The following PCBD2 variants were observed in gnomAD, a reference collection of about 807,000 sequenced individuals.
PCBD2 encodes the protein pterin-4-alpha-carbinolamine dehydratase 2.
PCBD2 carries 12 observed loss-of-function variants against 16.4 expected under a neutral mutation model. The observed-to-expected ratio is 0.73, with a 90% CI of 0.47 to 1.19. The LOEUF (loss-of-function observed/expected upper bound fraction) is 1.19, where lower values mean the gene tolerates loss of function less well. Among genes scored for constraint, PCBD2 ranks in the 50% most tolerant of loss-of-function variants. PCBD2 has a pLI of 0.00. For synonymous variants in PCBD2, 58 were observed against 61.8 expected, an observed-to-expected ratio of 0.94 and a Z score of 0.29; for missense variants, 138 against 156.8, an observed-to-expected ratio of 0.88 and a Z score of 0.64.
intron 3 of PCBD2, among the ~76,000 whole-genome samples, chr5:134,959,845 T>C (rs2149541874): frequency 6.6e-6 from 1 of 151,968 alleles, no homozygotes; most frequent in African/African-American, 2.4e-5. Context: ...GAAACAGCAT[T>C]CCATCCTTTA....
chr5:134,911,677 G>T (rs150858133), intron 2 of PCBD2, among the ~76,000 whole-genome samples: 12 of 152,234 alleles, frequency 7.9e-5, no homozygotes, highest in African/African-American at 2.6e-4. Flanking sequence ...AGAAACCTTC[G>T]GCATGTTTTC....
chr5:134,952,133 T>C (rs1751365321), intron 2 of PCBD2, among the ~76,000 whole-genome samples: 1 of 152,144 alleles, frequency 6.6e-6, no homozygotes, highest in Non-Finnish European at 1.5e-5. Flanking sequence ...AATTGGTTAT[T>C]GTTTGTATGA....
chr5:134,917,125 G>A (rs1447680796), intron 2 of PCBD2, among the ~76,000 whole-genome samples: 2 of 152,214 alleles, frequency 1.3e-5, no homozygotes, highest in African/African-American at 4.8e-5. Flanking sequence ...CATAAAGACA[G>A]ATTTTGTTAT....
chr5:134,954,628 CT>C (rs1305501740), intron 2 of PCBD2, among the ~76,000 whole-genome samples: 2 of 152,126 alleles, frequency 1.3e-5, no homozygotes, highest in Non-Finnish European at 2.9e-5. Flanking sequence ...TGAAAAGTAG[CT>C]TAGCTGGGTA....
chr5:134,912,453 C>T (rs1400747124), intron 2 of PCBD2, among the ~76,000 whole-genome samples: 2 of 152,138 alleles, frequency 1.3e-5, no homozygotes, highest in African/African-American at 2.4e-5. Flanking sequence ...GTGGGGTGAG[C>T]CCATATAGGA....
chr5:134,960,178 G>A (rs1211136956), intron 3 of PCBD2, among the ~76,000 whole-genome samples: 1 of 152,060 alleles, frequency 6.6e-6, no homozygotes, highest in African/African-American at 2.4e-5. Context: ...GCCAAAATGT[G>A]CTTTTTAAAC....
chr5:134,956,602 C>T (rs908616130), intron 2 of PCBD2, among the ~76,000 whole-genome samples: 1 of 152,206 alleles, frequency 6.6e-6, no homozygotes, highest in African/African-American at 2.4e-5. Context: ...TAATTTCTTG[C>T]CATTAAGCTG....
At chr5:134,925,336 A>G (rs572797828) in intron 2 of PCBD2, 42 of 398,456 alleles carry the variant, frequency 1.1e-4, no homozygotes, top group East Asian at 2.1e-4. Flanking sequence ...TAGGTTGCCA[A>G]TGGTGAGGGA....
At position 134,948,735 on chromosome 5, in the gene PCBD2, TA is replaced by T. The variant is rs1393806661; in HGVS notation, c.217-10301del. 9.6e-4 allele frequency among the ~76,000 whole-genome samples: 127 copies of T among 132,964 alleles called. 1 individual carries two copies. Among genetic ancestry groups the T allele is most frequent in the African/African-American group, 3.1e-3 (108 of 34,506 alleles). 87.2% of individuals were successfully genotyped at this position (132,964 alleles called of 152,430 possible). ...GACTTGAAGCTTTTTTTTTTTTTTTTAAAAGGCTCTAAAATGCTACAGTATG... is the reference window on the plus strand; with the variant it reads ...GACTTGAAGCTTTTTTTTTTTTTTTTAAAGGCTCTAAAATGCTACAGTATG... On this transcript the variant is annotated intron_variant, in intron 2 of 3. Transcript: ENST00000254908.
intron 2 of PCBD2, chr5:134,927,267 A>C: frequency 5.0e-6 from 2 of 398,406 alleles, no homozygotes; most frequent in East Asian, 3.6e-5. Flanking sequence ...GGGGTAGGCT[A>C]TATGTTTTGT....
At chr5:134,929,337 A>G (rs1367886683) in intron 2 of PCBD2, among the ~76,000 whole-genome samples, 1 of 144,150 alleles carries the variant, frequency 6.9e-6, no homozygotes, top group Non-Finnish European at 1.5e-5. Context: ...ATAGAGCGAG[A>G]CCTTGTCTCA....
chr5:134,921,164 G>A (rs984635917), intron 2 of PCBD2, among the ~76,000 whole-genome samples: 1 of 152,236 alleles, frequency 6.6e-6, no homozygotes, highest in Admixed American at 6.5e-5. Flanking sequence ...TGCTGGTCTG[G>A]ATCCAAGAGG....
intron 2 of PCBD2, among the ~76,000 whole-genome samples, chr5:134,952,782 G>A (rs1751373000): frequency 6.6e-6 from 1 of 151,716 alleles, no homozygotes; most frequent in South Asian, 2.1e-4. Flanking sequence ...TTCCAACCTG[G>A]GAGATAGAGC....
chr5:134,953,534 C>T (rs920721323), intron 2 of PCBD2, among the ~76,000 whole-genome samples: 1 of 152,066 alleles, frequency 6.6e-6, no homozygotes, highest in Non-Finnish European at 1.5e-5. Context: ...GTGGCTCACA[C>T]CTGTAATCGC....
rs1169052278 is a variant in PCBD2, at chr5:134,960,826, G to A, written c.*145G>A. The A allele has an allele frequency of 4.7e-6, 3 of 636,254 alleles. No individual in the cohort carries two copies. In the African/African-American group the frequency reaches 5.6e-5, roughly 12 times the overall value. The allele number at this position is 636,254 out of a possible 1,614,324, so 39.4% of individuals were successfully genotyped here. ...CTGTCGCCCAGGCCAGAGTGCAGTG[G>A]TATGATCTCGGCTCACTGTAACCTC... is the stretch of plus-strand genomic sequence containing the variant. On this transcript the variant is annotated 3_prime_UTR_variant, in exon 4 of 4. Transcript: ENST00000254908.
chr5:134,946,228 A>G (rs755370453), intron 2 of PCBD2, among the ~76,000 whole-genome samples: 13 of 151,990 alleles, frequency 8.6e-5, no homozygotes, highest in Non-Finnish European at 1.3e-4. Flanking sequence ...TAAATCCTGA[A>G]TATATTTGTG....
At chr5:134,934,834 A>G (rs1248901297) in intron 2 of PCBD2, among the ~76,000 whole-genome samples, 1 of 152,230 alleles carries the variant, frequency 6.6e-6, no homozygotes, top group Non-Finnish European at 1.5e-5. Flanking sequence ...ACCTGTGGCT[A>G]ATATCACAGC....
At chr5:134,914,853 A>G (rs1446981770) in intron 2 of PCBD2, among the ~76,000 whole-genome samples, 1 of 152,002 alleles carries the variant, frequency 6.6e-6, no homozygotes, top group Non-Finnish European at 1.5e-5. Flanking sequence ...TTGTATTTAT[A>G]GTAGAGATGG....
At chr5:134,916,809 C>T in intron 2 of PCBD2, among the ~76,000 whole-genome samples, 1 of 152,124 alleles carries the variant, frequency 6.6e-6, no homozygotes, top group East Asian at 1.9e-4. Context: ...CTGTTTCCAC[C>T]CTTGGTGGTG....
Sources: gnomAD v4.1 joint callset for allele counts (sites outside exome capture counted in the v4.1 genomes callset) on GRCh38, gnomAD v4.1.1 for gene constraint, MANE v1.5 for transcripts, NCBI Gene and HGNC (gene_info 2026-07-23, HGNC 2026-07-21) for gene names.